PRKG1: variants seen among roughly 807,000 people sequenced by gnomAD.
PRKG1 encodes cGMP-dependent protein kinase 1.
A neutral mutation model predicts 88.1 loss-of-function variants in PRKG1; 35 were observed. That is an observed-to-expected ratio of 0.40 (90% CI 0.30 to 0.53). The LOEUF is 0.53. Among genes scored for constraint, PRKG1 ranks in the 20% least tolerant of loss-of-function variants. The pLI, the probability that PRKG1 is intolerant of heterozygous loss-of-function variation, is 0.59. For synonymous variants in PRKG1, 303 were observed against 292.5 expected (o/e 1.04, Z -0.37); for missense variants, 540 against 839.8 (o/e 0.64, Z 4.41).
intron 1 of PRKG1, among the ~76,000 whole-genome samples, chr10:51,114,030 A>G (rs530630199): frequency 1.3e-5 from 2 of 151,064 alleles, no homozygotes; most frequent in African/African-American, 4.9e-5. Flanking sequence ...TTCCTGCCTC[A>G]TAGTTTAATT....
intron 14 of PRKG1, among the ~76,000 whole-genome samples, chr10:52,285,567 A>T (rs199597555): frequency 6.6e-6 from 1 of 152,136 alleles, no homozygotes; most frequent in East Asian, 1.9e-4. Flanking sequence ...TATTTTAATC[A>T]GTTTGAGCTG....
intron 5 of PRKG1, among the ~76,000 whole-genome samples, chr10:52,018,979 G>A (rs1445730197): frequency 6.6e-6 from 1 of 152,120 alleles, no homozygotes; most frequent in Non-Finnish European, 1.5e-5. Flanking sequence ...TGAAGAAAAG[G>A]GTTCATTTTT....
At chr10:51,708,728 T>A (rs1246361531) in intron 3 of PRKG1, among the ~76,000 whole-genome samples, 3 of 152,202 alleles carry the variant, frequency 2.0e-5, no homozygotes, top group Non-Finnish European at 4.4e-5. Flanking sequence ...AGAGTGATAG[T>A]GAGACCATTT....
chr10:51,691,899 G>A (rs1202133455), intron 3 of PRKG1, among the ~76,000 whole-genome samples: 1 of 152,090 alleles, frequency 6.6e-6, no homozygotes, highest in East Asian at 1.9e-4. Context: ...AACTTTTAGG[G>A]AACAAAACTT....
chr10:52,083,575 T>G (rs534069832), intron 7 of PRKG1, among the ~76,000 whole-genome samples: 32 of 152,218 alleles, frequency 2.1e-4, no homozygotes, highest in Admixed American at 8.5e-4. Context: ...TCCTATCAGT[T>G]AAAAATGATT....
intron 14 of PRKG1, among the ~76,000 whole-genome samples, chr10:52,287,588 G>A (rs906399139): frequency 6.6e-6 from 1 of 151,578 alleles, no homozygotes; most frequent in Non-Finnish European, 1.5e-5. Context: ...TCGTCAAGGT[G>A]TATCATCATC....
At chr10:52,293,743 T>C (rs1842321343) in intron 17 of PRKG1, 59 bp from the exon 18 acceptor site, 1 of 1,400,234 alleles carries the variant, frequency 7.1e-7, no homozygotes, top group Admixed American at 1.7e-5. Context: ...ACTTAAAAAT[T>C]CCAGCTTGGA....
At chr10:51,561,123 GA>G (rs1837448433) in intron 3 of PRKG1, among the ~76,000 whole-genome samples, 1 of 151,764 alleles carries the variant, frequency 6.6e-6, no homozygotes, top group Non-Finnish European at 1.5e-5. Context: ...AAGAAAAAAA[GA>G]AAAAATTAGC....
intron 4 of PRKG1, among the ~76,000 whole-genome samples, chr10:51,810,121 C>T (rs371451551): frequency 2.0e-5 from 3 of 152,110 alleles, no homozygotes; most frequent in East Asian, 1.9e-4. Flanking sequence ...TGTCTGATTT[C>T]CCTTCCTTGA....
chr10:51,804,675 T>C lies in PRKG1; in HGVS notation c.683T>C (p.Met228Thr), dbSNP rs1468952215. The change falls in exon 4 of 18, where the codon ATG (methionine) becomes ACG (threonine). Residue 228 changes from methionine (M) to threonine (T), a missense_variant. Around this residue, in one of 5 missense-constraint regions of PRKG1, gnomAD observed 400 missense variants for 562.7 expected, o/e 0.71. Coordinates refer to ENST00000373980, the MANE Select transcript of PRKG1 (RefSeq NM_006258.4). ...RTGLIKHTEY[M>T]EFLKSVPTFQ... is the part of the protein sequence containing the mutation. ...GGACTCATCAAGCATACCGAGTATA[T>C]GGAATTTTTAAAAAGGTAGGATGCT... 4 of 1,578,068 alleles carry C rather than the reference T, an allele frequency of 2.5e-6. No individual in the cohort carries two copies. Among genetic ancestry groups the C allele is most frequent in the Non-Finnish European group, 2.6e-6 (3 of 1,148,236 alleles).
intron 5 of PRKG1, among the ~76,000 whole-genome samples, chr10:51,952,347 C>T (rs746725323): frequency 1.3e-5 from 2 of 152,154 alleles, no homozygotes; most frequent in African/African-American, 2.4e-5. Context: ...TTGGGAATCA[C>T]TTGTGCTGGC....
chr10:51,886,376 A>T (rs1841569401), intron 4 of PRKG1, among the ~76,000 whole-genome samples: 1 of 152,308 alleles, frequency 6.6e-6, no homozygotes, highest in South Asian at 2.1e-4. Flanking sequence ...CCATTTAAAG[A>T]TATGGCAAAA....
intron 1 of PRKG1, among the ~76,000 whole-genome samples, chr10:51,130,948 A>G (rs1305758196): frequency 1.3e-5 from 2 of 152,158 alleles, no homozygotes; most frequent in Non-Finnish European, 2.9e-5. Flanking sequence ...GAAAAGCTAA[A>G]TAGTGATTAA....
intron 2 of PRKG1, among the ~76,000 whole-genome samples, chr10:51,314,181 C>T (rs994495073): frequency 6.6e-6 from 1 of 152,210 alleles, no homozygotes; most frequent in East Asian, 1.9e-4. Context: ...GGTCACACAG[C>T]AACGTCATGG....
intron 1 of PRKG1, among the ~76,000 whole-genome samples, chr10:51,059,529 T>C (rs978662043): frequency 2.6e-5 from 4 of 152,132 alleles, no homozygotes; most frequent in Non-Finnish European, 5.9e-5. Flanking sequence ...CCCAAAGTAC[T>C]GAGATTATGC....
At chr10:51,779,722 C>A (rs1298368776) in intron 3 of PRKG1, among the ~76,000 whole-genome samples, 1 of 152,078 alleles carries the variant, frequency 6.6e-6, no homozygotes, top group African/African-American at 2.4e-5. Flanking sequence ...CTGTCTCCTG[C>A]AGAGCTTATG....
intron 2 of PRKG1, among the ~76,000 whole-genome samples, chr10:51,285,648 A>C (rs1409359784): frequency 6.6e-6 from 1 of 152,204 alleles, no homozygotes; most frequent in African/African-American, 2.4e-5. Context: ...GATTCTGAGA[A>C]GGGAAGACTA....
chr10:51,084,956 A>G (rs1844210787), intron 1 of PRKG1, among the ~76,000 whole-genome samples: 2 of 152,246 alleles, frequency 1.3e-5, no homozygotes, highest in South Asian at 2.1e-4. Flanking sequence ...AGGAAAAAAC[A>G]TATCTTCTGG....
intron 4 of PRKG1, among the ~76,000 whole-genome samples, chr10:51,815,661 A>C (rs1937717): frequency 6.6e-6 from 1 of 152,062 alleles, no homozygotes; most frequent in Non-Finnish European, 1.5e-5. Context: ...AGTCAGAATT[A>C]GCATCATAGG....
Sources: gnomAD v4.1 joint callset for allele counts (sites outside exome capture counted in the v4.1 genomes callset) on GRCh38, gnomAD v4.1.1 for gene constraint, gnomAD v4.1.1 regional missense constraint, MANE v1.5 for transcripts, NCBI Gene and HGNC (gene_info 2026-07-23, HGNC 2026-07-21) for gene names.